The following LRP5 variants were observed in gnomAD, a reference collection of about 807,000 sequenced individuals.
LRP5 encodes LDL receptor related protein 5.
Under a neutral mutation model 154.1 loss-of-function variants are expected in LRP5, and 62 were observed. That is an observed-to-expected ratio of 0.40 (90% CI 0.33 to 0.50). The LOEUF is 0.50. Among genes scored for constraint, LRP5 ranks in the 20% least tolerant of loss-of-function variants. The pLI is 0.55. For synonymous variants in LRP5, 966 were observed against 1,011.5 expected, an observed-to-expected ratio of 0.96 and a Z score of 0.85; for missense variants, 1,915 against 2,336.7, an observed-to-expected ratio of 0.82 and a Z score of 3.72.
Position 68,312,720 on chromosome 11 carries a change from G to A in LRP5, c.6G>A (p.Glu2=). The A allele has an allele frequency of 1.9e-6, 2 of 1,042,444 alleles. No individual in the cohort carries two copies. The highest frequency in any genetic ancestry group is 3.4e-5 in the South Asian group (1 of 29,550). The allele number at this position is 1,042,444 out of a possible 1,614,324, so 64.6% of individuals were successfully genotyped here. A position where few individuals can be genotyped will look rare whatever the true frequency, so the allele number is the denominator to read the frequency against. The stretch of plus-strand genomic sequence containing the variant: ...CCGTCCGGCCGCCGGACAACATGGA[G>A]GCAGCGCCGCCCGGGCCGCCGTGGC... M[E]AAPPGPPWPL... is the part of the protein sequence containing the mutation. Residue 2 remains glutamate, a synonymous_variant, in exon 1 of 23, where the codon GAG becomes GAA. Coordinates refer to ENST00000294304, the MANE Select transcript of LRP5 (RefSeq NM_002335.4).
Position 68,312,750 on chromosome 11 carries a change from G to GCTT in LRP5, c.38_39insTCT (p.Leu20dup). 9.7e-7 allele frequency: 1 copy of GCTT among 1,027,608 alleles called. No individual in the cohort carries two copies. The allele number at this position is 1,027,608 out of a possible 1,614,324, so 63.7% of individuals were successfully genotyped here. ...CGCCGCCCGGGCCGCCGTGGCCGCT[G>GCTT]CTGCTGCTGCTGCTGCTGCTGCTGG... On this transcript the variant is annotated inframe_insertion, in exon 1 of 23. Coordinates refer to ENST00000294304, the MANE Select transcript of LRP5 (RefSeq NM_002335.4).
At chr11:68,323,523 C>T (rs1324293292) in intron 1 of LRP5, among the ~76,000 whole-genome samples, 2 of 152,154 alleles carry the variant, frequency 1.3e-5, no homozygotes, top group Non-Finnish European at 2.9e-5. Context: ...ATGTGGTTCT[C>T]CCGCCTCAGC....
At chr11:68,335,380 C>T (rs889813545) in intron 1 of LRP5, among the ~76,000 whole-genome samples, 9 of 151,574 alleles carry the variant, frequency 5.9e-5, no homozygotes, top group African/African-American at 1.7e-4. Context: ...AGCCCATAAC[C>T]TTGTCTTATG....
intron 19 of LRP5, among the ~76,000 whole-genome samples, chr11:68,437,792 G>C (rs2098675855): frequency 6.6e-6 from 1 of 152,262 alleles, no homozygotes; most frequent in African/African-American, 2.4e-5. Context: ...CTCCTCTGCT[G>C]GGCAAGTTCC....
At chr11:68,347,547 G>C (rs934076624) in intron 1 of LRP5, among the ~76,000 whole-genome samples, 9 of 152,218 alleles carry the variant, frequency 5.9e-5, no homozygotes, top group African/African-American at 2.4e-5. Context: ...GAGGTTTTGG[G>C]CATGGCAGGA....
At chr11:68,358,361 C>T (rs2098624932) in intron 3 of LRP5, among the ~76,000 whole-genome samples, 1 of 152,170 alleles carries the variant, frequency 6.6e-6, no homozygotes, top group Non-Finnish European at 1.5e-5. Flanking sequence ...GGGATCCTTC[C>T]CCTCGGCTCC....
In LRP5 at chr11:68,443,585, A is replaced by ATTT. The variant is rs1219762322; in HGVS notation, c.4489-2839_4489-2837dup. ...TATATATATATATATATATATATATATTTTTTTTTTTTTTGGTTATGTTCA... is the reference window on the plus strand; with the variant it reads ...TATATATATATATATATATATATATATTTTTTTTTTTTTTTTTGGTTATGTTCA... On this transcript the variant is annotated intron_variant, in intron 21 of 22. Transcript: ENST00000294304. Among the ~76,000 whole-genome samples the ATTT allele has an allele frequency of 4.3e-3, 107 of 24,832 alleles. 9 individuals are homozygous for ATTT. Among genetic ancestry groups the ATTT allele is most frequent in the African/African-American group, 0.016 (105 of 6,380 alleles). The allele number at this position is 24,832 out of a possible 152,430, so 16.3% of individuals were successfully genotyped here.
rs1330911503 is a variant in LRP5, at chr11:68,406,724, G to A, written c.2002G>A (p.Ala668Thr). ...CCTCGAGACCAATAACAACGACGTG[G>A]CCATCCCGCTCACGGGCGTCAAGGA... ...ISLETNNNDV[A>T]IPLTGVKEAS... is the part of the protein sequence containing the mutation. The change falls in exon 9 of 23, where the codon GCC becomes ACC. Residue 668 changes from alanine to threonine, a missense_variant. Around this residue, in one of 3 missense-constraint regions of LRP5, gnomAD observed 773 missense variants for 1,100.9 expected, o/e 0.70. Transcript: ENST00000294304. 1 of 1,614,026 alleles carries A rather than the reference G, an allele frequency of 6.2e-7. No homozygotes were observed. Among genetic ancestry groups the A allele is most frequent in the East Asian group, 2.2e-5 (1 of 44,896 alleles).
chr11:68,354,555 C>A (rs577460677), intron 2 of LRP5, among the ~76,000 whole-genome samples: 1 of 152,208 alleles, frequency 6.6e-6, no homozygotes, highest in African/African-American at 2.4e-5. Flanking sequence ...TGGGGACGTG[C>A]AGGTAAAGCA....
intron 2 of LRP5, among the ~76,000 whole-genome samples, chr11:68,352,187 C>T (rs1315044207): frequency 1.3e-5 from 2 of 152,148 alleles, no homozygotes; most frequent in Non-Finnish European, 2.9e-5. Flanking sequence ...GCGGGGACAC[C>T]TCACTTGTGG....
chr11:68,338,377 G>A (rs1008862184), intron 1 of LRP5, among the ~76,000 whole-genome samples: 4 of 152,206 alleles, frequency 2.6e-5, no homozygotes, highest in African/African-American at 9.7e-5. Context: ...CATCTGTTAT[G>A]AATTCTATAT....
At chr11:68,437,123 G>C (rs1463695735) in intron 19 of LRP5, 124 bp downstream of exon 19, 1 of 796,088 alleles carries the variant, frequency 1.3e-6, no homozygotes, top group Non-Finnish European at 2.1e-6. Context: ...TCAGGCGGCT[G>C]GGAGGCTCCT....
intron 2 of LRP5, among the ~76,000 whole-genome samples, chr11:68,355,989 G>A (rs1200609598): frequency 3.3e-5 from 5 of 151,800 alleles, no homozygotes; most frequent in African/African-American, 7.3e-5. Context: ...ACAGGTGTCC[G>A]CCACCATGCC....
Position 68,433,782 on chromosome 11 carries a change from T to G in LRP5, c.3944T>G (p.Leu1315Arg). ...CGGGGTCAGTGTGTGGACCTGCGCC[T>G]GCGCTGCGACGGCGAGGCAGACTGT... Reference protein sequence around the residue: ...CARGQCVDLRLRCDGEADCQD... With the variant: ...CARGQCVDLRRRCDGEADCQD... Residue 1315 changes from leucine (L) to arginine (R), a missense_variant, in exon 18 of 23, where the codon CTG becomes CGG. Coordinates refer to ENST00000294304, the MANE Select transcript of LRP5 (RefSeq NM_002335.4). The G allele has an allele frequency of 1.2e-6, 2 of 1,612,560 alleles. No individual in the cohort carries two copies. Among genetic ancestry groups the G allele is most frequent in the Non-Finnish European group, 1.7e-6 (2 of 1,179,724 alleles).
chr11:68,366,234 G>C (rs2098631007), intron 5 of LRP5, among the ~76,000 whole-genome samples: 1 of 152,178 alleles, frequency 6.6e-6, no homozygotes, highest in Non-Finnish European at 1.5e-5. Context: ...AGTCCTCCCC[G>C]TTTCTGTAGC....
At position 68,426,191 on chromosome 11, in the gene LRP5, C is replaced by T. The variant is rs746451473; in HGVS notation, c.3637+4C>T. 2.3e-5 allele frequency: 37 copies of T among 1,609,726 alleles called. No individual in the cohort carries two copies. The highest frequency in any genetic ancestry group is 2.0e-4 in the East Asian group (9 of 44,866). ...GAAGTCAGCCTGGAGGAGTTCTGTA[C>T]GTGGGGGCTGGCAGTGGGGTGGGCA... is the stretch of plus-strand genomic sequence containing the variant. On this transcript the variant is annotated splice_donor_region_variant and intron_variant, in intron 16 of 22. Transcript: ENST00000294304.
rs1284645123 is a variant in LRP5 at position 68,370,988 on chromosome 11, G to A, written c.1015+5286G>A. Among the ~76,000 whole-genome samples, 4 of 152,182 alleles carry A rather than the reference G, an allele frequency of 2.6e-5. No homozygotes were observed. In the East Asian group the frequency reaches 7.7e-4, roughly 29 times the overall value. On this transcript the variant is annotated intron_variant, in intron 5 of 22. Coordinates refer to ENST00000294304, the MANE Select transcript of LRP5 (RefSeq NM_002335.4). Reference sequence around the variant, plus strand: ...CGTTTCAGTTCACTTTTTTTTGTAAGCATGGTTCCCCAGTCTGACCTCAGA... The same window carrying A: ...CGTTTCAGTTCACTTTTTTTTGTAAACATGGTTCCCCAGTCTGACCTCAGA...
At chr11:68,411,848 C>A (rs2153167288) in intron 11 of LRP5, among the ~76,000 whole-genome samples, 1 of 152,344 alleles carries the variant, frequency 6.6e-6, no homozygotes, top group Admixed American at 6.5e-5. Context: ...CTGGTGACAG[C>A]TGTTTCCTGT....
chr11:68,423,116 T>C lies in LRP5; in HGVS notation c.3028-373T>C, dbSNP rs926504774. On this transcript the variant is annotated intron_variant, in intron 13 of 22. Coordinates refer to ENST00000294304, the MANE Select transcript of LRP5 (RefSeq NM_002335.4). This position sits in a 1 kb window ranked among gnomAD's most constrained non-coding sequence, Gnocchi z 4.7. Reference sequence around the variant, plus strand: ...TTCTCGACTGTCAATGGGGCCTTCATGGGAGCGCCAGTCTAGTGATGCACA... The same window carrying C: ...TTCTCGACTGTCAATGGGGCCTTCACGGGAGCGCCAGTCTAGTGATGCACA... 2.6e-5 allele frequency among the ~76,000 whole-genome samples: 4 copies of C among 152,140 alleles called. No homozygotes were observed. The highest frequency in any genetic ancestry group is 5.9e-5 in the Non-Finnish European group (4 of 68,026).
Sources: gnomAD v4.1 joint callset for allele counts (sites outside exome capture counted in the v4.1 genomes callset) on GRCh38, gnomAD v4.1.1 for gene constraint, gnomAD v4.1.1 regional missense constraint, Gnocchi (gnomAD v3.1) non-coding constraint, MANE v1.5 for transcripts, NCBI Gene and HGNC (gene_info 2026-07-23, HGNC 2026-07-21) for gene names.